The following KHDRBS2 variants were observed in gnomAD, a reference collection of about 807,000 sequenced individuals.
The protein encoded by KHDRBS2 is KH RNA binding domain containing, signal transduction associated 2.
Under a neutral mutation model 44.3 loss-of-function variants are expected in KHDRBS2, and 26 were observed. That is an observed-to-expected ratio of 0.59 (90% confidence interval 0.43 to 0.81). The LOEUF is 0.81. KHDRBS2 is among the 40% of genes least tolerant of loss of function. The pLI, the probability that KHDRBS2 is intolerant of heterozygous loss-of-function variation, is 0.00. For synonymous variants in KHDRBS2, 194 were observed against 151.1 expected (o/e 1.28, Z -2.08); for missense variants, 476 against 433.1 (o/e 1.10, Z -0.88).
intron 3 of KHDRBS2, among the ~76,000 whole-genome samples, chr6:62,012,041 T>A (rs1013332193): frequency 6.6e-6 from 1 of 152,170 alleles, no homozygotes; most frequent in African/African-American, 2.4e-5. Context: ...GTTTCTTGAT[T>A]TGAACCCAGG....
chr6:61,551,225 C>G, the KHDRBS2 span, among the ~76,000 whole-genome samples: 1 of 151,954 alleles, frequency 6.6e-6, no homozygotes, highest in African/African-American at 2.4e-5. Context: ...TTGTTTTTTG[C>G]TTGTGAATTT....
chr6:61,884,916 G>C (rs1054636752), intron 6 of KHDRBS2, among the ~76,000 whole-genome samples: 1 of 152,048 alleles, frequency 6.6e-6, no homozygotes, highest in South Asian at 2.1e-4. Flanking sequence ...GGGATGCAAA[G>C]TTTGTGGGGC....
chr6:61,671,245 T>C, the KHDRBS2 span, among the ~76,000 whole-genome samples: 2 of 151,616 alleles, frequency 1.3e-5, no homozygotes, highest in African/African-American at 2.4e-5. Context: ...CATCTCCAAT[T>C]TTCTCCTGGG....
At chr6:62,152,494 T>C (rs2150106483) in intron 2 of KHDRBS2, among the ~76,000 whole-genome samples, 1 of 152,282 alleles carries the variant, frequency 6.6e-6, no homozygotes, top group East Asian at 1.9e-4. Flanking sequence ...GAGAAGGCAT[T>C]GTTTTAGTTA....
chr6:61,596,530 G>C, the KHDRBS2 span, among the ~76,000 whole-genome samples: 2 of 152,164 alleles, frequency 1.3e-5, no homozygotes, highest in Non-Finnish European at 1.5e-5. Context: ...TTACTTGCCA[G>C]CTTCCAAAGA....
intron 6 of KHDRBS2, among the ~76,000 whole-genome samples, chr6:61,774,463 T>A (rs1361588224): frequency 6.6e-6 from 1 of 152,098 alleles, no homozygotes. Context: ...GGATACAAAA[T>A]CAATGTACAA....
At chr6:61,617,336 G>A in the KHDRBS2 span, among the ~76,000 whole-genome samples, 1 of 151,876 alleles carries the variant, frequency 6.6e-6, no homozygotes, top group African/African-American at 2.4e-5. Flanking sequence ...ATGCACTCTG[G>A]GTAACAATTT....
intron 2 of KHDRBS2, among the ~76,000 whole-genome samples, chr6:62,120,832 A>T (rs1195056890): frequency 2.0e-5 from 3 of 152,284 alleles, no homozygotes; most frequent in South Asian, 4.1e-4. Context: ...CTACTCGAGG[A>T]AGGACCCCAC....
chr6:61,607,481 C>CATTAGACTT, the KHDRBS2 span, among the ~76,000 whole-genome samples: 5 of 86,242 alleles, frequency 5.8e-5, no homozygotes, highest in African/African-American at 1.8e-4. Context: ...AAATAAATTA[C>CATTAGACTT]ATTAGACTTG....
intron 3 of KHDRBS2, among the ~76,000 whole-genome samples, chr6:61,981,572 T>C (rs1226076273): frequency 6.6e-6 from 1 of 152,172 alleles, no homozygotes; most frequent in Non-Finnish European, 1.5e-5. Flanking sequence ...AGTAAGTGGA[T>C]AACTAAAGTA....
chr6:62,156,566 A>C (rs1816428440), intron 2 of KHDRBS2, among the ~76,000 whole-genome samples: 1 of 152,236 alleles, frequency 6.6e-6, no homozygotes. Context: ...TTGCTGATAA[A>C]GTCATAAAAA....
At chr6:61,968,022 C>T (rs1770505460) in intron 4 of KHDRBS2, among the ~76,000 whole-genome samples, 1 of 150,518 alleles carries the variant, frequency 6.6e-6, no homozygotes, top group Non-Finnish European at 1.5e-5. Flanking sequence ...GCACTCCTCA[C>T]AGTGCATGGC....
chr6:61,796,147 G>T (rs1562198734), intron 6 of KHDRBS2, among the ~76,000 whole-genome samples: 1 of 151,888 alleles, frequency 6.6e-6, no homozygotes, highest in African/African-American at 2.4e-5. Context: ...AAAATAACTA[G>T]TCTTTTGTAG....
intron 2 of KHDRBS2, among the ~76,000 whole-genome samples, chr6:62,105,080 C>A (rs1323594430): frequency 1.3e-5 from 2 of 152,030 alleles, no homozygotes; most frequent in Non-Finnish European, 2.9e-5. Context: ...CCATTCTCAA[C>A]AGGAAGAAAA....
intron 4 of KHDRBS2, among the ~76,000 whole-genome samples, chr6:61,927,770 A>C (rs1404378101): frequency 6.6e-6 from 1 of 152,184 alleles, no homozygotes; most frequent in Non-Finnish European, 1.5e-5. Flanking sequence ...ATAATACCAT[A>C]TAATGCCCAT....
chr6:62,134,899 T>A (rs1811171250), intron 2 of KHDRBS2, among the ~76,000 whole-genome samples: 2 of 152,272 alleles, frequency 1.3e-5, no homozygotes, highest in African/African-American at 4.8e-5. Context: ...ATCTAGGAAG[T>A]AACTAACTTG....
the KHDRBS2 span, among the ~76,000 whole-genome samples, chr6:61,552,076 A>C: frequency 0.015 from 2,274 of 151,492 alleles, 57 homozygotes; most frequent in African/African-American, 0.053. Context: ...TTATATAGAA[A>C]TAGCATTGAA....
At chr6:61,979,929 T>C (rs1773492585) in intron 3 of KHDRBS2, among the ~76,000 whole-genome samples, 1 of 152,170 alleles carries the variant, frequency 6.6e-6, no homozygotes, top group Non-Finnish European at 1.5e-5. Flanking sequence ...CATTCAGTTA[T>C]TTTTGTGTTA....
chr6:61,996,983 A>G (rs1193261385), intron 3 of KHDRBS2, among the ~76,000 whole-genome samples: 2 of 152,032 alleles, frequency 1.3e-5, no homozygotes, highest in Non-Finnish European at 1.5e-5. Flanking sequence ...GGGTTTCACC[A>G]TGTTAGCCAG....
Sources: allele counts gnomAD v4.1 joint callset (sites outside exome capture counted in the v4.1 genomes callset), GRCh38; gene constraint gnomAD v4.1.1; transcripts MANE v1.5; gene names NCBI Gene and HGNC (gene_info 2026-07-23, HGNC 2026-07-21).